Variants in PLD5 observed in about 807,000 individuals in gnomAD.
PLD5 encodes the protein inactive phospholipase D5.
In PLD5, 36 loss-of-function variants were observed where a neutral mutation model predicts 61.1. The observed-to-expected ratio is 0.59, with a 90% CI of 0.45 to 0.78. PLD5 has a LOEUF of 0.78. Among genes scored for constraint, PLD5 ranks in the 30% least tolerant of loss-of-function variants. The pLI is 0.00. For missense variants in PLD5, 515 were observed against 644.4 expected, an observed-to-expected ratio of 0.80 and a Z score of 2.17; for synonymous variants, 243 against 242.8, an observed-to-expected ratio of 1.00 and a Z score of -0.01.
chr1:242,342,663 G>A (rs4333835), intron 2 of PLD5, among the ~76,000 whole-genome samples: 133,627 of 151,990 alleles, frequency 0.88, 59,232 homozygotes, highest in Non-Finnish European at 0.94. Flanking sequence ...CCAAAGTGAC[G>A]TGGAGATTTA....
At chr1:242,212,668 T>C (rs2148988061) in intron 5 of PLD5, among the ~76,000 whole-genome samples, 1 of 152,322 alleles carries the variant, frequency 6.6e-6, no homozygotes, top group Non-Finnish European at 1.5e-5. Context: ...GCACAGCGCC[T>C]AAGCAGGTGC....
intron 1 of PLD5, among the ~76,000 whole-genome samples, chr1:242,380,278 G>T (rs1402663988): frequency 6.6e-6 from 1 of 152,156 alleles, no homozygotes; most frequent in Non-Finnish European, 1.5e-5. Context: ...GCTCTTTTCT[G>T]CCTTTGGAGT....
intron 9 of PLD5, among the ~76,000 whole-genome samples, chr1:242,092,659 G>A (rs1659925841): frequency 6.6e-6 from 1 of 152,112 alleles, no homozygotes; most frequent in African/African-American, 2.4e-5. Context: ...AAATCACTAA[G>A]ACGCTGAGAT....
chr1:242,277,259 A>G (rs1249245441), intron 3 of PLD5, among the ~76,000 whole-genome samples: 1 of 152,242 alleles, frequency 6.6e-6, no homozygotes, highest in East Asian at 1.9e-4. Flanking sequence ...AATATCCCCA[A>G]TGCTTCCACA....
the PLD5 span, among the ~76,000 whole-genome samples, chr1:242,530,239 G>A: frequency 6.6e-6 from 1 of 152,100 alleles, no homozygotes; most frequent in Non-Finnish European, 1.5e-5. Flanking sequence ...TTGTCGTGTT[G>A]GCTCAGTTGA....
chr1:242,148,906 G>GTAAC (rs894518162), intron 5 of PLD5, among the ~76,000 whole-genome samples: 1 of 151,818 alleles, frequency 6.6e-6, no homozygotes, highest in Non-Finnish European at 1.5e-5. Flanking sequence ...CTTAGTTTTA[G>GTAAC]TAACTTTTTA....
chr1:242,114,810 G>A (rs1019389423), intron 6 of PLD5, among the ~76,000 whole-genome samples: 2 of 152,104 alleles, frequency 1.3e-5, no homozygotes, highest in Non-Finnish European at 2.9e-5. Context: ...AAGAAGCTCA[G>A]GGCTGTCACT....
chr1:242,217,985 G>A (rs1670318591), intron 5 of PLD5, among the ~76,000 whole-genome samples: 1 of 152,230 alleles, frequency 6.6e-6, no homozygotes, highest in Non-Finnish European at 1.5e-5. Context: ...CAGTGGAAGG[G>A]ATTGAGAGGA....
intron 1 of PLD5, among the ~76,000 whole-genome samples, chr1:242,355,173 T>C (rs1660690002): frequency 6.6e-6 from 1 of 152,218 alleles, no homozygotes; most frequent in South Asian, 2.1e-4. Context: ...TCTGTGATTT[T>C]TTTAGAAAAG....
At chr1:242,316,969 A>G (rs1457140957) in intron 2 of PLD5, among the ~76,000 whole-genome samples, 1 of 150,640 alleles carries the variant, frequency 6.6e-6, no homozygotes, top group African/African-American at 2.4e-5. Flanking sequence ...GCTGTATAGT[A>G]TTCCATGGTG....
At chr1:242,370,140 T>G (rs773350333) in intron 1 of PLD5, among the ~76,000 whole-genome samples, 9 of 152,174 alleles carry the variant, frequency 5.9e-5, no homozygotes, top group Non-Finnish European at 1.3e-4. Flanking sequence ...AGAGGCACTC[T>G]CGGTCTGCAG....
chr1:242,500,449 T>C (rs1668517278), intron 1 of PLD5, among the ~76,000 whole-genome samples: 1 of 152,102 alleles, frequency 6.6e-6, no homozygotes, highest in South Asian at 2.1e-4. Flanking sequence ...AGCAAGACAT[T>C]TGCTAGGATA....
intron 4 of PLD5, among the ~76,000 whole-genome samples, chr1:242,226,547 TAAAC>T (rs1458981296): frequency 1.3e-5 from 2 of 152,250 alleles, no homozygotes; most frequent in Non-Finnish European, 2.9e-5. Context: ...AATTAAATCT[TAAAC>T]AACAAACAAG....
chr1:242,100,499 G>A (rs1409886422), intron 9 of PLD5, among the ~76,000 whole-genome samples, 169 bp downstream of exon 9: 1 of 152,194 alleles, frequency 6.6e-6, no homozygotes, highest in African/African-American at 2.4e-5. Context: ...ATATTTGAAT[G>A]ATGAGCTCCC....
chr1:242,315,377 G>T (rs1204288024), intron 2 of PLD5, among the ~76,000 whole-genome samples: 1 of 152,078 alleles, frequency 6.6e-6, no homozygotes, highest in Non-Finnish European at 1.5e-5. Context: ...TAAATTTCTT[G>T]GTAGATATAT....
intron 5 of PLD5, among the ~76,000 whole-genome samples, chr1:242,212,018 G>A (rs1410174090): frequency 6.6e-6 from 1 of 152,140 alleles, no homozygotes; most frequent in African/African-American, 2.4e-5. Flanking sequence ...CTTAAACATT[G>A]CATGCAAGGG....
intron 5 of PLD5, among the ~76,000 whole-genome samples, chr1:242,150,195 T>G (rs1664832393): frequency 6.6e-6 from 1 of 151,746 alleles, no homozygotes; most frequent in African/African-American, 2.4e-5. Flanking sequence ...TAATTTCAAT[T>G]TTTGAAATGT....
chr1:242,285,420 C>T (rs1674965070), intron 3 of PLD5, among the ~76,000 whole-genome samples: 1 of 152,170 alleles, frequency 6.6e-6, no homozygotes, highest in East Asian at 1.9e-4. Context: ...ATCGCTTGAA[C>T]CCGGGAAGTA....
chr1:242,105,656 A>T (rs1660998096), intron 8 of PLD5, among the ~76,000 whole-genome samples: 1 of 152,236 alleles, frequency 6.6e-6, no homozygotes, highest in Admixed American at 6.5e-5. Context: ...GGGTTGAAAA[A>T]GCTGATTGTA....
Sources: gnomAD v4.1 joint callset for allele counts (sites outside exome capture counted in the v4.1 genomes callset) on GRCh38, gnomAD v4.1.1 for gene constraint, MANE v1.5 for transcripts, NCBI Gene and HGNC (gene_info 2026-07-23, HGNC 2026-07-21) for gene names.